POLE2: variants seen among roughly 807,000 people sequenced by gnomAD.
POLE2 encodes DNA polymerase epsilon subunit 2.
Under a neutral mutation model 79.4 loss-of-function variants are expected in POLE2, and 56 were observed. That is an observed-to-expected ratio of 0.71 (90% CI 0.57 to 0.88). POLE2 has a LOEUF of 0.88. Among genes scored for constraint, POLE2 ranks in the 40% least tolerant of loss-of-function variants. The pLI, the probability that POLE2 is intolerant of heterozygous loss-of-function variation, is 0.00. For synonymous variants in POLE2, 212 were observed against 214.0 expected (o/e 0.99, Z 0.08); for missense variants, 598 against 638.9 (o/e 0.94, Z 0.69).
Position 49,685,362 on chromosome 14 carries a change from T to C in POLE2, c.69-1669A>G, listed in dbSNP as rs578183416. Among the ~76,000 whole-genome samples the C allele has an allele frequency of 7.6e-4, 116 of 152,090 alleles. 1 individual carries two copies. The highest frequency in any genetic ancestry group is 6.2e-4 in the Non-Finnish European group (42 of 68,026). On this transcript the variant is annotated intron_variant, in intron 1 of 18. Coordinates refer to ENST00000216367, the MANE Select transcript of POLE2 (RefSeq NM_002692.4). ...AACTCTGTGCCATCCTTCCACAGAG[T>C]TCTAAATACACTTGAAGGTGGTCCA... is the stretch of plus-strand genomic sequence containing the variant.
chr14:49,668,957 C>T (rs892165503), intron 6 of POLE2, among the ~76,000 whole-genome samples: 2 of 152,142 alleles, frequency 1.3e-5, no homozygotes, highest in African/African-American at 2.4e-5. Context: ...CACAACATCA[C>T]GCCTGGCTAA....
At chr14:49,664,374 AG>A (rs1885324831) in intron 9 of POLE2, among the ~76,000 whole-genome samples, 1 of 151,594 alleles carries the variant, frequency 6.6e-6, no homozygotes, top group African/African-American at 2.4e-5. Context: ...AAAAAAAAAA[AG>A]GGTGTGTAAT....
At chr14:49,686,237 T>C (rs1285039578) in intron 1 of POLE2, among the ~76,000 whole-genome samples, 1 of 152,158 alleles carries the variant, frequency 6.6e-6, no homozygotes, top group Non-Finnish European at 1.5e-5. Context: ...AATAACTTAC[T>C]GTATTATAAT....
chr14:49,685,842 C>T (rs1049392716), intron 1 of POLE2, among the ~76,000 whole-genome samples: 1 of 151,560 alleles, frequency 6.6e-6, no homozygotes, highest in Admixed American at 6.6e-5. Flanking sequence ...TTGGTCAGGC[C>T]GGTCTCGAAT....
intron 3 of POLE2, among the ~76,000 whole-genome samples, chr14:49,678,144 C>T (rs1886431899): frequency 6.6e-6 from 1 of 151,920 alleles, no homozygotes; most frequent in Non-Finnish European, 1.5e-5. Flanking sequence ...GGACTACAGG[C>T]ATGCACCACC....
Position 49,666,359 on chromosome 14 carries a change from C to T in POLE2, c.547G>A (p.Val183Ile), listed in dbSNP as rs1424412192. The T allele has an allele frequency of 6.5e-7, 1 of 1,550,192 alleles. No individual in the cohort carries two copies. The highest frequency in any genetic ancestry group is 8.7e-7 in the Non-Finnish European group (1 of 1,147,380). ...TTTAACTGCGTTATCATTCCAAGAA[C>T]AATCGCATCTCCGATTTTGGTTGTA... ...GSTTKIGDAI[V>I]LGMITQLKEG... Residue 183 changes from valine (V) to isoleucine (I), a missense_variant, in exon 7 of 19, where the codon GTT (valine) becomes ATT (isoleucine). Physicochemically the swap from Val to Ile is conservative, Grantham distance 29. Transcript: ENST00000216367.
At chr14:49,670,029 T>G (rs1885761638) in intron 5 of POLE2, among the ~76,000 whole-genome samples, 1 of 151,868 alleles carries the variant, frequency 6.6e-6, no homozygotes, top group South Asian at 2.1e-4. Flanking sequence ...GATAAGACAT[T>G]TCAGGGCCAG....
intron 5 of POLE2, among the ~76,000 whole-genome samples, chr14:49,672,100 A>G (rs1243874720): frequency 6.6e-6 from 1 of 152,256 alleles, no homozygotes; most frequent in African/African-American, 2.4e-5. Context: ...CAGGATAAAC[A>G]AAGTCACAGA....
At chr14:49,647,737 C>A (rs1449521218) in intron 17 of POLE2, among the ~76,000 whole-genome samples, 1 of 152,182 alleles carries the variant, frequency 6.6e-6, no homozygotes, top group Non-Finnish European at 1.5e-5. Flanking sequence ...GGATTACAGG[C>A]ATGAGCCACC....
In POLE2 at chr14:49,651,119, A is replaced by G. The variant is rs142582328; in HGVS notation, c.1320+150T>C. On this transcript the variant is annotated intron_variant, in intron 16 of 18. Coordinates refer to ENST00000216367, the MANE Select transcript of POLE2 (RefSeq NM_002692.4). Reference sequence around the variant, plus strand: ...AAGCTGAGAAACACTGACTTCACTAACAAAAATTAACTTACTGACAAAAGT... The same window carrying G: ...AAGCTGAGAAACACTGACTTCACTAGCAAAAATTAACTTACTGACAAAAGT... 1.0e-4 allele frequency: 52 copies of G among 498,138 alleles called. No homozygotes were observed. The East Asian group carries it at 1.6e-3, about 16-fold the overall frequency. 30.9% of individuals were successfully genotyped at this position (498,138 alleles called of 1,614,324 possible).
At chr14:49,664,016 G>A (rs1885284379) in intron 9 of POLE2, among the ~76,000 whole-genome samples, 1 of 147,760 alleles carries the variant, frequency 6.8e-6, no homozygotes, top group Non-Finnish European at 1.5e-5. Flanking sequence ...CAGCCTGGGT[G>A]ACAGAGTGAG....
intron 18 of POLE2, among the ~76,000 whole-genome samples, chr14:49,645,479 AGTTT>A (rs1883699224): frequency 6.6e-6 from 1 of 152,230 alleles, no homozygotes; most frequent in Non-Finnish European, 1.5e-5. Flanking sequence ...AACTTACATC[AGTTT>A]GTTTGATCTA....
Position 49,669,595 on chromosome 14 carries a change from T to C in POLE2, c.421A>G (p.Thr141Ala). The C allele has an allele frequency of 6.4e-7, 1 of 1,555,494 alleles. No individual in the cohort carries two copies. The highest frequency in any genetic ancestry group is 8.9e-7 in the Non-Finnish European group (1 of 1,128,258). The change falls in exon 6 of 19, where the codon ACC becomes GCC. Residue 141 changes from threonine to alanine, a missense_variant. Coordinates refer to ENST00000216367, the MANE Select transcript of POLE2 (RefSeq NM_002692.4). ...RERYTILHQR[T>A]HRHELFTPPV... The stretch of plus-strand genomic sequence containing the variant: ...GGAGTAAATAATTCATGCCTGTGGG[T>C]CCTCTATAAAAAAGAAAGATTCACA...
chr14:49,673,085 C>T (rs1294132510), intron 5 of POLE2, among the ~76,000 whole-genome samples: 1 of 152,148 alleles, frequency 6.6e-6, no homozygotes, highest in African/African-American at 2.4e-5. Context: ...TTCACCCCCT[C>T]CCTTCTCCTT....
chr14:49,668,127 A>C (rs1012202618), intron 6 of POLE2, among the ~76,000 whole-genome samples: 2 of 151,900 alleles, frequency 1.3e-5, no homozygotes, highest in Non-Finnish European at 2.9e-5. Context: ...CAAAAAAATT[A>C]GTTGGGCATG....
Position 49,678,294 on chromosome 14 carries a change from C to T in POLE2, c.245+1431G>A, listed in dbSNP as rs148738724. 7.0e-4 allele frequency among the ~76,000 whole-genome samples: 107 copies of T among 152,138 alleles called. 2 individuals carry two copies. In the East Asian group the frequency reaches 0.018, roughly 25 times the overall value. On this transcript the variant is annotated intron_variant, in intron 3 of 18. Coordinates refer to ENST00000216367, the MANE Select transcript of POLE2 (RefSeq NM_002692.4). The stretch of plus-strand genomic sequence containing the variant: ...CTGGGATTACGGGCATGAGCCACTG[C>T]GCCCAGCCTGCTTTTCTGCTTTCTT...
intron 3 of POLE2, chr14:49,677,722 G>A (rs1300092156): frequency 3.6e-6 from 5 of 1,387,808 alleles, no homozygotes; most frequent in Non-Finnish European, 3.9e-6. Context: ...CCCTTGCTGT[G>A]CAGAACCAAC....
rs1886106211 is a variant in POLE2 at position 49,674,385 on chromosome 14, G to C, written c.288C>G (p.Arg96=). 1 of 1,610,622 alleles carries C rather than the reference G, an allele frequency of 6.2e-7. No individual in the cohort carries two copies. The highest frequency in any genetic ancestry group is 1.7e-5 in the Admixed American group (1 of 59,900). The change falls in exon 4 of 19, where the codon CGC becomes CGG. Residue 96 remains arginine, a synonymous_variant. Transcript: ENST00000216367. ...FNIIGAFDIP[R]FVYNSERKKF... ...TTTTTCTTTCTGAATTGTACACAAA[G>C]CGTGGAATATCAAATGCTCCTATGA...
intron 13 of POLE2, 134 bp from the exon 14 acceptor site, chr14:49,654,348 A>G (rs1308350889): frequency 1.2e-5 from 8 of 678,306 alleles, no homozygotes; most frequent in Non-Finnish European, 1.8e-5. Flanking sequence ...TAATAAATGA[A>G]CTATTAAGTC....
Sources: gnomAD v4.1 joint callset for allele counts (sites outside exome capture counted in the v4.1 genomes callset) on GRCh38, gnomAD v4.1.1 for gene constraint, MANE v1.5 for transcripts, NCBI Gene and HGNC (gene_info 2026-07-23, HGNC 2026-07-21) for gene names.